SLC4A4: variants seen among roughly 807,000 people sequenced by gnomAD.
SLC4A4 encodes electrogenic sodium bicarbonate cotransporter 1.
A neutral mutation model predicts 111.5 loss-of-function variants in SLC4A4; 27 were observed. That is an observed-to-expected ratio of 0.24 (90% CI 0.18 to 0.33). The LOEUF (loss-of-function observed/expected upper bound fraction) is 0.33, where lower values mean the gene tolerates loss of function less well. Among genes scored for constraint, SLC4A4 ranks in the 10% least tolerant of loss-of-function variants. SLC4A4 has a pLI of 1.00. For synonymous variants in SLC4A4, 443 were observed against 463.4 expected, an observed-to-expected ratio of 0.96 and a Z score of 0.57; for missense variants, 909 against 1,315.5, an observed-to-expected ratio of 0.69 and a Z score of 4.78.
intron 13 of SLC4A4, among the ~76,000 whole-genome samples, chr4:71,468,457 G>A (rs562072965): frequency 1.7e-4 from 26 of 151,880 alleles, no homozygotes; most frequent in African/African-American, 6.0e-4. Context: ...TTCCTTTCTC[G>A]TTCTCCCTTT....
chr4:71,492,824 G>A (rs759685919), intron 15 of SLC4A4, among the ~76,000 whole-genome samples: 6 of 151,708 alleles, frequency 4.0e-5, no homozygotes, highest in Admixed American at 1.3e-4. Flanking sequence ...CCTCTTTTAG[G>A]GCTTAGTTTA....
intron 1 of SLC4A4, among the ~76,000 whole-genome samples, chr4:71,081,539 GA>G (rs1357219408): frequency 2.0e-4 from 30 of 152,112 alleles, no homozygotes; most frequent in Non-Finnish European, 2.8e-4. Flanking sequence ...TGCAAAGTGA[GA>G]AAAAGGATGT....
At chr4:71,256,152 G>A (rs1167518388) in intron 3 of SLC4A4, among the ~76,000 whole-genome samples, 1 of 152,186 alleles carries the variant, frequency 6.6e-6, no homozygotes, top group African/African-American at 2.4e-5. Flanking sequence ...AGAAACACAT[G>A]CCAATTTTGG....
At chr4:71,371,224 ACT>A (rs1731842562) in intron 6 of SLC4A4, among the ~76,000 whole-genome samples, 1 of 144,392 alleles carries the variant, frequency 6.9e-6, no homozygotes, top group African/African-American at 2.6e-5. Context: ...TTGTTGATAA[ACT>A]CTACCCTTCC....
At position 71,255,247 on chromosome 4, in the gene SLC4A4, A is replaced by C; in HGVS notation, c.101A>C (p.His34Pro). 6.2e-7 allele frequency: 1 copy of C among 1,613,448 alleles called. No homozygotes were observed. Among genetic ancestry groups the C allele is most frequent in the Non-Finnish European group, 8.5e-7 (1 of 1,179,472 alleles). ...EGHHTIYIGV[H>P]VPKSYRRRRR... ...CACCATACCATTTACATCGGAGTCC[A>C]TGTGCCGAAGAGTTACAGGAGAAGG... The change falls in exon 3 of 26, where the codon CAT becomes CCT. Residue 34 changes from histidine to proline, a missense_variant. Physicochemically the swap from His to Pro is moderately conservative, Grantham distance 77 (BLOSUM62 -2). Transcript: ENST00000264485.
intron 5 of SLC4A4, among the ~76,000 whole-genome samples, chr4:71,355,057 T>A (rs1199510150): frequency 6.6e-6 from 1 of 152,244 alleles, no homozygotes; most frequent in African/African-American, 2.4e-5. Context: ...GTTGGCCGTT[T>A]TAATGGAAAC....
intron 5 of SLC4A4, 81 bp from the exon 6 acceptor site, chr4:71,356,927 G>T: frequency 8.0e-7 from 1 of 1,253,562 alleles, no homozygotes. Flanking sequence ...ATTTGAGGGT[G>T]ACATCCATAA....
intron 1 of SLC4A4, among the ~76,000 whole-genome samples, chr4:71,214,461 G>A (rs1343421907): frequency 1.3e-5 from 2 of 152,080 alleles, no homozygotes; most frequent in African/African-American, 2.4e-5. Context: ...AGAGAGACAG[G>A]ATATATGACC....
At chr4:71,258,537 A>G (rs568483707) in intron 3 of SLC4A4, among the ~76,000 whole-genome samples, 1 of 152,326 alleles carries the variant, frequency 6.6e-6, no homozygotes, top group Non-Finnish European at 1.5e-5. Flanking sequence ...TTGGCGCCGC[A>G]CAATGCCTGG....
chr4:71,270,181 G>T (rs1011661038), intron 3 of SLC4A4, among the ~76,000 whole-genome samples: 4 of 152,136 alleles, frequency 2.6e-5, no homozygotes, highest in African/African-American at 9.7e-5. Context: ...TCTGCCTCCT[G>T]GGTTCAAGCG....
chr4:71,451,123 A>G, intron 10 of SLC4A4, 65 bp from the exon 11 acceptor site: 2 of 1,053,216 alleles, frequency 1.9e-6, no homozygotes, highest in Admixed American at 3.5e-5. Flanking sequence ...CCAGAGCATG[A>G]TACAGCTAAG....
At chr4:71,480,950 G>C (rs1728823222) in intron 14 of SLC4A4, among the ~76,000 whole-genome samples, 1 of 151,710 alleles carries the variant, frequency 6.6e-6, no homozygotes, top group Non-Finnish European at 1.5e-5. Flanking sequence ...ATTCATCCCA[G>C]GGACAAGGTC....
In SLC4A4 at chr4:71,162,061, A is replaced by G. The variant is rs192886646; in HGVS notation, c.-2+69269A>G. On this transcript the variant is annotated intron_variant, in intron 2 of 26. Coordinates refer to the SLC4A4 transcript ENST00000649996. ...TATTTTCATGCCAAGCAGTGGCCTT[A>G]ATTCAATCAACATCACTTTGAAGAG... 4.8e-3 allele frequency among the ~76,000 whole-genome samples: 729 copies of G among 152,326 alleles called. 3 individuals are homozygous for G. The highest frequency in any genetic ancestry group is 0.014 in the Middle Eastern group (4 of 294).
Position 71,472,345 on chromosome 4 carries a change from C to A in SLC4A4, c.1632-354C>A, listed in dbSNP as rs111266991. ...TATGAACCCATAAAACTCATACAAA[C>A]GTTTATTGAACACATTCTAGGTACC... On this transcript the variant is annotated intron_variant, in intron 13 of 25. Transcript: ENST00000264485. Among the ~76,000 whole-genome samples, 23 of 151,954 alleles carry A rather than the reference C, an allele frequency of 1.5e-4. 1 individual carries two copies. The highest frequency in any genetic ancestry group is 5.5e-4 in the African/African-American group (23 of 41,500).
rs1281566710 is a variant in SLC4A4 at position 71,429,656 on chromosome 4, A to G, written c.808-10960A>G. On this transcript the variant is annotated intron_variant, in intron 7 of 25. Coordinates refer to ENST00000264485, the MANE Select transcript of SLC4A4 (RefSeq NM_001098484.3). ...TTGTAGTACCACAAGGCAGCCATTT[A>G]AAATTCACTCCTCTGAAGCCTAGGT... 3.9e-5 allele frequency among the ~76,000 whole-genome samples: 6 copies of G among 152,246 alleles called. No individual in the cohort carries two copies. The South Asian group carries it at 1.2e-3, about 32-fold the overall frequency.
At chr4:71,467,402 G>C (rs1438042341) in intron 13 of SLC4A4, among the ~76,000 whole-genome samples, 2 of 152,044 alleles carry the variant, frequency 1.3e-5, no homozygotes, top group Non-Finnish European at 2.9e-5. Context: ...CATTTATTGA[G>C]AGTTGATCAT....
At chr4:71,386,046 A>T (rs1447327980) in intron 6 of SLC4A4, among the ~76,000 whole-genome samples, 2 of 150,406 alleles carry the variant, frequency 1.3e-5, no homozygotes, top group African/African-American at 4.9e-5. Flanking sequence ...TTCTATATAT[A>T]TTTTTTTCAT....
At chr4:71,443,164 G>A (rs1257395018) in intron 8 of SLC4A4, among the ~76,000 whole-genome samples, 1 of 121,960 alleles carries the variant, frequency 8.2e-6, no homozygotes, top group South Asian at 2.7e-4. Context: ...ATTTTTTGAA[G>A]GGGGGTGATA....
chr4:71,108,114 G>T (rs756225649), intron 2 of SLC4A4, among the ~76,000 whole-genome samples: 1 of 152,066 alleles, frequency 6.6e-6, no homozygotes, highest in Non-Finnish European at 1.5e-5. Flanking sequence ...TTTTTACAGT[G>T]TGTGTCCCAA....
Sources: allele counts gnomAD v4.1 joint callset (sites outside exome capture counted in the v4.1 genomes callset), GRCh38; gene constraint gnomAD v4.1.1; transcripts MANE v1.5; gene names NCBI Gene and HGNC (gene_info 2026-07-23, HGNC 2026-07-21).